TUBGCP5: variants seen among roughly 807,000 people sequenced by gnomAD.
TUBGCP5 encodes gamma-tubulin complex component 5.
TUBGCP5 carries 98 observed loss-of-function variants against 134.7 expected under a neutral mutation model. That is an observed-to-expected ratio of 0.73 (90% confidence interval 0.62 to 0.86). TUBGCP5 has a LOEUF of 0.86. Ranked by LOEUF, TUBGCP5 falls within the 40% of genes least tolerant of loss-of-function variation. TUBGCP5 has a pLI of 0.00. For missense variants in TUBGCP5, 1,150 were observed against 1,244.8 expected (o/e 0.92, Z 1.15); for synonymous variants, 456 against 431.4 (o/e 1.06, Z -0.71).
intron 6 of TUBGCP5, among the ~76,000 whole-genome samples, chr15:23,028,307 G>A (rs1468858014): frequency 2.0e-5 from 3 of 149,940 alleles, no homozygotes; most frequent in Middle Eastern, 3.4e-3. Context: ...TTGAGCCCAG[G>A]AGGTTGAGGC....
At position 23,019,333 on chromosome 15, in the gene TUBGCP5, A is replaced by T; in HGVS notation, c.1373T>A (p.Val458Asp). The change falls in exon 12 of 23, where the codon GTC (valine) becomes GAC (aspartate). Residue 458 changes from valine (V) to aspartate (D), a missense_variant and splice_region_variant. Transcript: ENST00000615383. ...DNVGEASEQT[V>D]SLLFSLWVET... ...CACCCAGAGAGAGAAAAGGAGGGAG[A>T]CCTGAGGCAGAGAGTGTGCACGGTC... The T allele has an allele frequency of 6.2e-7, 1 of 1,610,388 alleles. No homozygotes were observed. The highest frequency in any genetic ancestry group is 8.5e-7 in the Non-Finnish European group (1 of 1,177,050).
chr15:22,989,478 G>A (rs950707851), intron 23 of TUBGCP5, among the ~76,000 whole-genome samples: 19 of 49,356 alleles, frequency 3.8e-4, no homozygotes, highest in Middle Eastern at 0.022. Context: ...CCCACCCCCT[G>A]TTAACTTGGC....
intron 22 of TUBGCP5, 36 bp from the exon 23 acceptor site, chr15:22,999,902 G>C: frequency 6.2e-7 from 1 of 1,604,334 alleles, no homozygotes; most frequent in Non-Finnish European, 8.5e-7. Flanking sequence ...AAAACAATAG[G>C]TTTAAATGTT....
chr15:23,016,969 G>GATATATATATATCTATATATATATAT (rs2065362501), intron 13 of TUBGCP5, among the ~76,000 whole-genome samples: 1 of 109,396 alleles, frequency 9.1e-6, no homozygotes, highest in Non-Finnish European at 1.9e-5. Flanking sequence ...AAAATTGTGA[G>GATATATATATATCTATATATATATAT]ATATATATAT....
In TUBGCP5 at chr15:22,999,831, C is replaced by T. The variant is rs1030924037; in HGVS notation, c.3064G>A (p.Glu1022Lys). The change falls in exon 23 of 23, where the codon GAA becomes AAA. Residue 1022 changes from glutamate (E) to lysine (K), a missense_variant. This residue lies in a region of TUBGCP5 where 697 missense variants were observed against 850.1 expected (regional missense o/e 0.82). Coordinates refer to ENST00000615383, the MANE Select transcript of TUBGCP5 (RefSeq NM_052903.6). ...SLALSLMAGM[E>K]QS ...TACGCTGAAGACATTTAACTTTGTT[C>T]CATGCCAGCCATGAGTGACAACGCT... The T allele has an allele frequency of 2.5e-6, 4 of 1,613,772 alleles. No individual in the cohort carries two copies. In the African/African-American group the frequency reaches 5.3e-5, roughly 22 times the overall value.
intron 3 of TUBGCP5, among the ~76,000 whole-genome samples, chr15:23,036,248 C>T (rs569822194): frequency 4.6e-4 from 70 of 152,222 alleles, no homozygotes; most frequent in African/African-American, 1.6e-3. Flanking sequence ...AAGGCTCAGC[C>T]GAGTGGCCCT....
chr15:23,010,052 T>C lies in TUBGCP5; in HGVS notation c.2037A>G (p.Thr679=). 1.2e-6 allele frequency: 2 copies of C among 1,614,164 alleles called. No individual in the cohort carries two copies. Among genetic ancestry groups the C allele is most frequent in the Non-Finnish European group, 1.7e-6 (2 of 1,180,020 alleles). The change falls in exon 15 of 23, where the codon ACA becomes ACG. Residue 679 remains threonine (T), a synonymous_variant. Transcript: ENST00000615383. ...VCVDRSSESV[T]CQTFELTLRS... ...TCAGCGTTAATTCAAAAGTCTGGCA[T>C]GTCACAGATTCCGATGATCTATCCA...
At position 23,005,421 on chromosome 15, in the gene TUBGCP5, G is replaced by A; in HGVS notation, c.2712+11C>T. ...GACGATAGAACTGAAGCAGATGGGA[G>A]AGGCACAAACCCTGGTCATGATGTA... On this transcript the variant is annotated intron_variant, in intron 19 of 22. Coordinates refer to ENST00000615383, the MANE Select transcript of TUBGCP5 (RefSeq NM_052903.6). 1 of 1,612,956 alleles carries A rather than the reference G, an allele frequency of 6.2e-7. No homozygotes were observed.
At chr15:23,031,443 A>C (rs1031453742) in intron 5 of TUBGCP5, among the ~76,000 whole-genome samples, 9 of 151,882 alleles carry the variant, frequency 5.9e-5, no homozygotes, top group African/African-American at 2.2e-4. Flanking sequence ...GAGCCTCCTG[A>C]GTAGCTGGGA....
At chr15:22,995,585 A>C (rs1021585924), downstream of TUBGCP5, among the ~76,000 whole-genome samples, 20 of 151,432 alleles carry the variant, frequency 1.3e-4, no homozygotes, top group East Asian at 3.9e-4. Flanking sequence ...AAAAAAAAAA[A>C]AAAACAAAAC....
At chr15:23,003,295 T>A (rs2064497735) in intron 20 of TUBGCP5, 142 bp from the exon 21 acceptor site, 3 of 706,164 alleles carry the variant, frequency 4.2e-6, no homozygotes, top group Non-Finnish European at 7.1e-6. Context: ...GGTACTAGGC[T>A]CTGAACCATG....
At chr15:23,015,565 C>A (rs529325581) in intron 13 of TUBGCP5, among the ~76,000 whole-genome samples, 1 of 152,052 alleles carries the variant, frequency 6.6e-6, no homozygotes, top group African/African-American at 2.4e-5. Flanking sequence ...TGACTTGAAC[C>A]CAGGAGGCAG....
chr15:23,005,413 A>G lies in TUBGCP5; in HGVS notation c.2712+19T>C, dbSNP rs1271970210. 1 of 1,612,310 alleles carries G rather than the reference A, an allele frequency of 6.2e-7. No homozygotes were observed. Among genetic ancestry groups the G allele is most frequent in the Admixed American group, 1.7e-5 (1 of 59,888 alleles). On this transcript the variant is annotated intron_variant, in intron 19 of 22. Transcript: ENST00000615383. ...ATAGATACGACGATAGAACTGAAGC[A>G]GATGGGAGAGGCACAAACCCTGGTC...
intron 21 of TUBGCP5, among the ~76,000 whole-genome samples, chr15:23,001,931 T>G (rs1234143180): frequency 1.3e-5 from 2 of 152,190 alleles, no homozygotes; most frequent in Non-Finnish European, 2.9e-5. Flanking sequence ...CAAGCAAATT[T>G]CACATTGCTT....
intron 1 of TUBGCP5, among the ~76,000 whole-genome samples, chr15:23,038,209 C>T (rs918420623): frequency 1.3e-5 from 2 of 152,026 alleles, no homozygotes; most frequent in Non-Finnish European, 2.9e-5. Context: ...AGTATCAAAG[C>T]GAGCAATCTG....
At chr15:23,023,763 A>G (rs1412157773) in intron 10 of TUBGCP5, 184 bp downstream of exon 10, 11 of 527,514 alleles carry the variant, frequency 2.1e-5, no homozygotes, top group Non-Finnish European at 3.1e-5. Flanking sequence ...AATCTTCTGT[A>G]GTTTTTTGAT....
chr15:23,008,505 G>T, intron 16 of TUBGCP5, 194 bp downstream of exon 16: 1 of 670,000 alleles, frequency 1.5e-6, no homozygotes, highest in South Asian at 1.7e-5. Flanking sequence ...GTGATCCACC[G>T]CCTCTGCCTC....
intron 23 of TUBGCP5, among the ~76,000 whole-genome samples, chr15:22,990,384 G>A (rs574612802): frequency 6.6e-5 from 10 of 152,292 alleles, no homozygotes; most frequent in African/African-American, 2.4e-4. Context: ...GGGAACCCAG[G>A]CCAAGGCTGG....
At chr15:23,009,827 T>C (rs1320802289) in intron 15 of TUBGCP5, 118 bp downstream of exon 15, 1 of 746,294 alleles carries the variant, frequency 1.3e-6, no homozygotes, top group Non-Finnish European at 1.9e-6. Flanking sequence ...TAGAAAATTG[T>C]TTACTGTATA....
Sources: allele counts gnomAD v4.1 joint callset (sites outside exome capture counted in the v4.1 genomes callset), GRCh38; gene constraint gnomAD v4.1.1; regional missense constraint gnomAD v4.1.1; transcripts MANE v1.5; gene names NCBI Gene and HGNC (gene_info 2026-07-23, HGNC 2026-07-21).